The following PTPN1 variants were observed in gnomAD, a reference collection of about 807,000 sequenced individuals.
PTPN1 encodes the protein protein tyrosine phosphatase non-receptor type 1, also known as tyrosine-protein phosphatase non-receptor type 1.
In PTPN1, 12 loss-of-function variants were observed where a neutral mutation model predicts 59.9. The observed-to-expected ratio is 0.20, with a 90% CI of 0.13 to 0.32. The LOEUF (loss-of-function observed/expected upper bound fraction) is 0.32, where lower values mean the gene tolerates loss of function less well. Among genes scored for constraint, PTPN1 ranks in the 10% least tolerant of loss-of-function variants. PTPN1 has a pLI of 1.00. For missense variants in PTPN1, 356 were observed against 549.2 expected (o/e 0.65, Z 3.52); for synonymous variants, 178 against 203.6 (o/e 0.87, Z 1.07).
intron 1 of PTPN1, chr20:50,557,804 C>T (rs1373745491): frequency 6.6e-6 from 1 of 152,296 alleles, no homozygotes; most frequent in African/African-American, 2.4e-5. Flanking sequence ...CAGTTCACCC[C>T]TTCTTAGGCA....
At chr20:50,558,216 A>G (rs187693389) in intron 1 of PTPN1, among the ~76,000 whole-genome samples, 23 of 152,282 alleles carry the variant, frequency 1.5e-4, no homozygotes, top group African/African-American at 5.1e-4. Flanking sequence ...GCCTTACAGA[A>G]TGATTTTCCA....
chr20:50,580,713 T>C (rs1036725849), intron 8 of PTPN1, among the ~76,000 whole-genome samples: 1 of 152,248 alleles, frequency 6.6e-6, no homozygotes, highest in African/African-American at 2.4e-5. Flanking sequence ...AAATTTACTT[T>C]GCAGCAACTC....
intron 1 of PTPN1, among the ~76,000 whole-genome samples, chr20:50,533,989 G>A (rs2082612954): frequency 6.6e-6 from 1 of 152,168 alleles, no homozygotes; most frequent in Non-Finnish European, 1.5e-5. Context: ...AAAGTGCAAT[G>A]GCGCGATCTC....
intron 1 of PTPN1, among the ~76,000 whole-genome samples, chr20:50,526,830 C>G (rs143539841): frequency 3.9e-5 from 6 of 152,106 alleles, no homozygotes; most frequent in South Asian, 4.1e-4. Context: ...TTCTTACCTA[C>G]CACCTCTAGC....
At chr20:50,528,736 TAAAAAAA>T (rs766874557) in intron 1 of PTPN1, among the ~76,000 whole-genome samples, 5 of 115,380 alleles carry the variant, frequency 4.3e-5, no homozygotes, top group Admixed American at 8.9e-5. Flanking sequence ...GACTCCATCT[TAAAAAAA>T]AAAAAAAAGA....
rs749479309 is a variant in PTPN1, at chr20:50,561,352, C to CT, written c.64-5dup. 7.5e-6 allele frequency: 12 copies of CT among 1,595,996 alleles called. No individual in the cohort carries two copies. The highest frequency in any genetic ancestry group is 1.0e-5 in the Non-Finnish European group (12 of 1,169,852). ...TGACGGTCAGTTAAATGTCTTTATT[C>CT]TTTTTTGTAGGATATCCGACATGAA... On this transcript the variant is annotated splice_polypyrimidine_tract_variant and intron_variant, in intron 1 of 9. Transcript: ENST00000371621.
At chr20:50,538,330 T>C (rs1030672847) in intron 1 of PTPN1, among the ~76,000 whole-genome samples, 1 of 151,694 alleles carries the variant, frequency 6.6e-6, no homozygotes. Context: ...TTGCATGGGG[T>C]AGCTACAAGC....
chr20:50,573,325 C>T (rs908254904), intron 4 of PTPN1: 1 of 152,292 alleles, frequency 6.6e-6, no homozygotes, highest in Non-Finnish European at 1.5e-5. Context: ...CCTAGTCATC[C>T]TTCAAAACCT....
At chr20:50,516,975 G>C (rs2082531640) in intron 1 of PTPN1, among the ~76,000 whole-genome samples, 1 of 152,182 alleles carries the variant, frequency 6.6e-6, no homozygotes, top group African/African-American at 2.4e-5. Context: ...GCTTTACTTT[G>C]TGTAGAAATG....
chr20:50,531,561 G>A (rs2082601184), intron 1 of PTPN1, among the ~76,000 whole-genome samples: 1 of 152,178 alleles, frequency 6.6e-6, no homozygotes, highest in African/African-American at 2.4e-5. Flanking sequence ...ATTTTTGGTA[G>A]AAACGGGGTT....
intron 1 of PTPN1, among the ~76,000 whole-genome samples, chr20:50,550,287 G>A (rs1341775237): frequency 5.9e-5 from 9 of 152,218 alleles, no homozygotes; most frequent in Admixed American, 5.9e-4. Context: ...TTTGTAGAAT[G>A]GAGGTTCCGG....
chr20:50,510,669 T>A (rs1049253022), intron 1 of PTPN1, 79 bp downstream of exon 1: 40 of 1,408,804 alleles, frequency 2.8e-5, no homozygotes, highest in Non-Finnish European at 3.4e-5. Flanking sequence ...GGCCCCAGAC[T>A]CCCTCTGGGT....
chr20:50,550,898 G>A (rs1008516169), intron 1 of PTPN1, among the ~76,000 whole-genome samples: 1 of 152,188 alleles, frequency 6.6e-6, no homozygotes, highest in Non-Finnish European at 1.5e-5. Context: ...CCGAGGAGAA[G>A]GGTGTTAAAC....
chr20:50,576,025 G>A (rs2082835115), intron 5 of PTPN1, among the ~76,000 whole-genome samples: 1 of 152,212 alleles, frequency 6.6e-6, no homozygotes, highest in Non-Finnish European at 1.5e-5. Context: ...GGCTCTTGAG[G>A]ATGGTAGCAG....
chr20:50,531,370 G>A (rs1026749543), intron 1 of PTPN1, among the ~76,000 whole-genome samples: 2 of 152,016 alleles, frequency 1.3e-5, no homozygotes, highest in African/African-American at 4.8e-5. Context: ...GTTGGTGGGA[G>A]TCTTTTTTTG....
Position 50,582,655 on chromosome 20 carries a change from G to T in PTPN1, c.1285-37G>T. On this transcript the variant is annotated intron_variant, in intron 9 of 9. Coordinates refer to ENST00000371621, the MANE Select transcript of PTPN1 (RefSeq NM_002827.4). The surrounding 1 kb of genome is among the most constrained non-coding windows in gnomAD (Gnocchi z 4.2). ...ATGAGGCGACAGCTCTGCAGGTGCG[G>T]GTCTGGGCTCATCTGAACTGTTTGG... 6.2e-7 allele frequency: 1 copy of T among 1,611,760 alleles called. No individual in the cohort carries two copies. Among genetic ancestry groups the T allele is most frequent in the East Asian group, 2.2e-5 (1 of 44,836 alleles).
chr20:50,530,937 C>A (rs1287121490), intron 1 of PTPN1, among the ~76,000 whole-genome samples: 1 of 152,082 alleles, frequency 6.6e-6, no homozygotes, highest in Non-Finnish European at 1.5e-5. Flanking sequence ...CTCTTGGGCT[C>A]AAGCAGTCCT....
chr20:50,534,628 A>G (rs896774920), intron 1 of PTPN1, among the ~76,000 whole-genome samples: 34 of 152,238 alleles, frequency 2.2e-4, no homozygotes, highest in African/African-American at 7.7e-4. Context: ...TAATATTTGT[A>G]TCTATTCCTT....
chr20:50,581,543 C>T (rs2082868954), intron 9 of PTPN1, 83 bp downstream of exon 9: 1 of 1,424,374 alleles, frequency 7.0e-7, no homozygotes, highest in African/African-American at 1.4e-5. Context: ...GGATTCAGTT[C>T]TGTGGTGCAT....
Sources: allele counts gnomAD v4.1 joint callset (sites outside exome capture counted in the v4.1 genomes callset), GRCh38; gene constraint gnomAD v4.1.1; non-coding constraint Gnocchi (gnomAD v3.1); transcripts MANE v1.5; gene names NCBI Gene and HGNC (gene_info 2026-07-23, HGNC 2026-07-21).